CHODL: variants seen among roughly 807,000 people sequenced by gnomAD.
The protein encoded by CHODL is chondrolectin.
Under a neutral mutation model 34.5 loss-of-function variants are expected in CHODL, and 29 were observed. That is an observed-to-expected ratio of 0.84 (90% CI 0.63 to 1.15). The LOEUF is 1.15. CHODL is among the 50% of genes most tolerant of loss of function. CHODL has a pLI of 0.00. For synonymous variants in CHODL, 125 were observed against 116.1 expected (o/e 1.08, Z -0.49); for missense variants, 332 against 332.5 (o/e 1.00, Z 0.01).
At chr21:18,037,578 T>C (rs1446960500) in intron 2 of CHODL, among the ~76,000 whole-genome samples, 2 of 151,712 alleles carry the variant, frequency 1.3e-5, no homozygotes, top group African/African-American at 4.8e-5. Context: ...GAAGTAGTAA[T>C]GAGAAGTGTT....
At chr21:18,041,636 G>C (rs1411883790) in intron 2 of CHODL, among the ~76,000 whole-genome samples, 1 of 151,862 alleles carries the variant, frequency 6.6e-6, no homozygotes, top group East Asian at 1.9e-4. Flanking sequence ...CAAAATGATA[G>C]AAAATTTAAC....
intron 1 of CHODL, among the ~76,000 whole-genome samples, chr21:17,927,090 ATG>A (rs2063231094): frequency 6.7e-6 from 1 of 148,756 alleles, no homozygotes; most frequent in African/African-American, 2.5e-5. Flanking sequence ...GTGTGTATGT[ATG>A]TATATCTGTG....
upstream of CHODL, chr21:18,244,784 GAA>G (rs2074115973): frequency 6.3e-6 from 1 of 159,940 alleles, no homozygotes; most frequent in African/African-American, 2.4e-5. Context: ...GAGGGGGCCG[GAA>G]CCTCGGGACG....
upstream of CHODL, among the ~76,000 whole-genome samples, chr21:18,243,287 T>C (rs2074099380): frequency 6.6e-6 from 1 of 152,228 alleles, no homozygotes; most frequent in South Asian, 2.1e-4. Flanking sequence ...TGCCCAGTGA[T>C]GCTCTTTGAC....
rs147774738 is a variant in CHODL at position 18,043,840 on chromosome 21, G to A, written c.-45+15869G>A. ...AGAGGCCTTACAATCTTGGCGGAAG[G>A]CGAAAGGCATGTCTTCCATGGATGG... On this transcript the variant is annotated intron_variant, in intron 2 of 6. Coordinates refer to the CHODL transcript ENST00000400127. Among the ~76,000 whole-genome samples the A allele has an allele frequency of 4.6e-5, 7 of 152,046 alleles. No homozygotes were observed. In the East Asian group the frequency reaches 1.2e-3, roughly 25 times the overall value.
chr21:18,028,346 TTCTA>T (rs1240231968), intron 2 of CHODL, among the ~76,000 whole-genome samples: 1 of 137,466 alleles, frequency 7.3e-6, no homozygotes, highest in East Asian at 2.1e-4. Flanking sequence ...TGTTTCTTTC[TTCTA>T]TCTGTGTAAC....
At chr21:17,999,960 G>T (rs1217255533) in intron 1 of CHODL, among the ~76,000 whole-genome samples, 1 of 152,138 alleles carries the variant, frequency 6.6e-6, no homozygotes, top group Non-Finnish European at 1.5e-5. Flanking sequence ...GATGAGGAGA[G>T]AAATACTCTT....
At chr21:17,958,127 T>C (rs1166828066) in intron 1 of CHODL, among the ~76,000 whole-genome samples, 1 of 152,188 alleles carries the variant, frequency 6.6e-6, no homozygotes, top group Non-Finnish European at 1.5e-5. Context: ...CCTGTCATTG[T>C]TTCCTTGGTC....
chr21:18,265,983 A>G lies in CHODL; in HGVS notation c.767A>G (p.Gln256Arg), dbSNP rs1232670636. The change falls in exon 6 of 6, where the codon CAG (glutamine) becomes CGG (arginine). Residue 256 changes from glutamine to arginine, a missense_variant. Physicochemically the swap from Gln to Arg is conservative, Grantham distance 43. Transcript: ENST00000299295. ...GGAAGAACAAAAACTAGTCCAAACC[A>G]GTCTACACTGTGGATTTCAAAGAGT... ...SKGRTKTSPN[Q>R]STLWISKSTR... 6.2e-7 allele frequency: 1 copy of G among 1,613,502 alleles called. No homozygotes were observed. The highest frequency in any genetic ancestry group is 1.7e-5 in the Admixed American group (1 of 60,014).
At chr21:18,158,683 C>CA (rs2073061008) in intron 2 of CHODL, among the ~76,000 whole-genome samples, 1 of 151,760 alleles carries the variant, frequency 6.6e-6, no homozygotes, top group Non-Finnish European at 1.5e-5. Flanking sequence ...ACTAAAAATA[C>CA]AAAAATCAGC....
intron 1 of CHODL, among the ~76,000 whole-genome samples, chr21:17,997,143 C>T (rs982407327): frequency 6.6e-6 from 1 of 152,196 alleles, no homozygotes; most frequent in African/African-American, 2.4e-5. Context: ...ATTAGTTACT[C>T]TGCTTCTCCT....
At chr21:17,988,794 G>A (rs197557) in intron 1 of CHODL, among the ~76,000 whole-genome samples, 124,688 of 151,200 alleles carry the variant, frequency 0.82, 51,562 homozygotes, top group Admixed American at 0.84. Flanking sequence ...AATCCAGTCT[G>A]TCATTGTTGG....
intron 2 of CHODL, among the ~76,000 whole-genome samples, chr21:18,173,820 G>A (rs2073260082): frequency 1.3e-5 from 2 of 151,742 alleles, no homozygotes; most frequent in Non-Finnish European, 2.9e-5. Context: ...GCAATGTTGA[G>A]CTTCACAGGA....
At chr21:18,032,472 A>C (rs2064258976) in intron 2 of CHODL, among the ~76,000 whole-genome samples, 1 of 152,056 alleles carries the variant, frequency 6.6e-6, no homozygotes, top group Admixed American at 6.6e-5. Flanking sequence ...GTCATTGGAG[A>C]TTAGTGCCAC....
intron 1 of CHODL, among the ~76,000 whole-genome samples, chr21:18,248,817 TTATATATGTA>T (rs1437615937): frequency 8.4e-6 from 1 of 118,498 alleles, no homozygotes; most frequent in African/African-American, 3.6e-5. Flanking sequence ...TGTATGTATA[TTATATATGTA>T]TGTATATTGT....
intron 1 of CHODL, among the ~76,000 whole-genome samples, chr21:17,942,557 T>C (rs1251412750): frequency 6.6e-6 from 1 of 151,856 alleles, no homozygotes; most frequent in Non-Finnish European, 1.5e-5. Flanking sequence ...TTATCAGGAG[T>C]GTGAAAGTGG....
chr21:18,090,902 T>C (rs1367188199), intron 2 of CHODL, among the ~76,000 whole-genome samples: 2 of 152,122 alleles, frequency 1.3e-5, no homozygotes, highest in African/African-American at 4.8e-5. Context: ...AGGTGAGCAG[T>C]CACAGGACCT....
At position 18,256,821 on chromosome 21, in the gene CHODL, G is replaced by A; in HGVS notation, c.389+3G>A. 1 of 1,611,304 alleles carries A rather than the reference G, an allele frequency of 6.2e-7. No individual in the cohort carries two copies. The highest frequency in any genetic ancestry group is 8.5e-7 in the Non-Finnish European group (1 of 1,178,438). ...GATGGAAGCAATTCCCAGTACCGGT[G>A]AGTATGGATCTTGAGCAGTTGGCAG... On this transcript the variant is annotated splice_donor_region_variant and intron_variant, in intron 2 of 5. Coordinates refer to ENST00000299295, the MANE Select transcript of CHODL (RefSeq NM_024944.3).
chr21:17,997,557 A>G (rs1227639726), intron 1 of CHODL, among the ~76,000 whole-genome samples: 1 of 152,204 alleles, frequency 6.6e-6, no homozygotes, highest in Non-Finnish European at 1.5e-5. Context: ...TGATAAAGAC[A>G]TACCTGAAAC....
Sources: allele counts gnomAD v4.1 joint callset (sites outside exome capture counted in the v4.1 genomes callset), GRCh38; gene constraint gnomAD v4.1.1; transcripts MANE v1.5; gene names NCBI Gene and HGNC (gene_info 2026-07-23, HGNC 2026-07-21).